The following SLX4IP variants were observed in gnomAD, a reference collection of about 807,000 sequenced individuals.
SLX4IP encodes the protein protein SLX4IP.
Under a neutral mutation model 32.9 loss-of-function variants are expected in SLX4IP, and 34 were observed. That is an observed-to-expected ratio of 1.03 (90% CI 0.79 to 1.38). The LOEUF is 1.38. Among genes scored for constraint, SLX4IP ranks in the 40% most tolerant of loss-of-function variants. The pLI is 0.00. For synonymous variants in SLX4IP, 172 were observed against 171.7 expected, an observed-to-expected ratio of 1.00 and a Z score of -0.01; for missense variants, 444 against 479.0, an observed-to-expected ratio of 0.93 and a Z score of 0.68.
intron 2 of SLX4IP, among the ~76,000 whole-genome samples, chr20:10,526,767 A>G (rs1249367054): frequency 6.6e-6 from 1 of 152,112 alleles, no homozygotes; most frequent in Non-Finnish European, 1.5e-5. Context: ...CCTGGGCAAT[A>G]TGGTAAAATC....
At chr20:10,455,140 A>T (rs1434659893) in intron 1 of SLX4IP, among the ~76,000 whole-genome samples, 1 of 152,142 alleles carries the variant, frequency 6.6e-6, no homozygotes, top group African/African-American at 2.4e-5. Flanking sequence ...TGAGTCCTTC[A>T]TCAGATGTAT....
chr20:10,610,147 A>G (rs997043836), intron 6 of SLX4IP, among the ~76,000 whole-genome samples: 1 of 152,148 alleles, frequency 6.6e-6, no homozygotes, highest in African/African-American at 2.4e-5. Flanking sequence ...TCTTGAGGGT[A>G]GGTGAATGTA....
chr20:10,602,162 T>G (rs1159021179), intron 6 of SLX4IP, among the ~76,000 whole-genome samples: 1 of 152,228 alleles, frequency 6.6e-6, no homozygotes, highest in Admixed American at 6.5e-5. Context: ...ATGTTTCCAC[T>G]GGAGGCTTTC....
intron 6 of SLX4IP, among the ~76,000 whole-genome samples, chr20:10,604,910 A>T (rs1372648193): frequency 3.3e-5 from 5 of 152,106 alleles, no homozygotes; most frequent in Non-Finnish European, 5.9e-5. Context: ...AGGACTGGGG[A>T]GTCTTTTGAG....
rs187015451 is a variant in SLX4IP, at chr20:10,514,621, A to G, written c.28-41610A>G. ...TTTAATGGGCCACTTGGGAGCCTTA[A>G]TGTGGTTAAAAAATGTATTTCTTCT... On this transcript the variant is annotated intron_variant, in intron 2 of 7. Transcript: ENST00000334534. Among the ~76,000 whole-genome samples, 396 of 152,322 alleles carry G rather than the reference A, an allele frequency of 2.6e-3. 2 individuals are homozygous for G. Among genetic ancestry groups the G allele is most frequent in the East Asian group, 9.6e-4 (5 of 5,188 alleles).
At chr20:10,587,082 A>G (rs1349144683) in intron 4 of SLX4IP, among the ~76,000 whole-genome samples, 1 of 152,144 alleles carries the variant, frequency 6.6e-6, no homozygotes, top group Middle Eastern at 3.2e-3. Flanking sequence ...AAAACAGGAC[A>G]ATAAAAGAGA....
In SLX4IP at chr20:10,627,512, GACTC is replaced by G. The variant is rs2067186843; in HGVS notation, c.*4138_*4141del. 1 of 152,134 alleles carries G rather than the reference GACTC, an allele frequency of 6.6e-6. No homozygotes were observed. The highest frequency in any genetic ancestry group is 2.1e-4 in the South Asian group (1 of 4,828). The allele number at this position is 152,134 out of a possible 1,614,324, so 9.4% of individuals were successfully genotyped here. A position where few individuals can be genotyped will look rare whatever the true frequency, so the allele number is the denominator to read the frequency against. ...TAATTAAATTCTCAGAAATCTGCAGGACTCACTCTAATTTGCTTTCTATATTTAT... is the reference window on the plus strand; with the variant it reads ...TAATTAAATTCTCAGAAATCTGCAGGACTCTAATTTGCTTTCTATATTTAT... On this transcript the variant is annotated 3_prime_UTR_variant, in exon 8 of 8. Coordinates refer to ENST00000334534, the MANE Select transcript of SLX4IP (RefSeq NM_001009608.3).
intron 2 of SLX4IP, among the ~76,000 whole-genome samples, chr20:10,504,708 G>A (rs1165883899): frequency 6.6e-6 from 1 of 152,142 alleles, no homozygotes; most frequent in Admixed American, 6.5e-5. Flanking sequence ...GATTTTTCTG[G>A]CCAGAAGATG....
At chr20:10,521,101 T>C (rs1449449394) in intron 2 of SLX4IP, among the ~76,000 whole-genome samples, 1 of 152,250 alleles carries the variant, frequency 6.6e-6, no homozygotes, top group African/African-American at 2.4e-5. Flanking sequence ...GGCAGTGTAC[T>C]CTGATTACCT....
chr20:10,608,746 T>C (rs2122557536), intron 6 of SLX4IP, among the ~76,000 whole-genome samples: 1 of 152,088 alleles, frequency 6.6e-6, no homozygotes, highest in African/African-American at 2.4e-5. Context: ...TCAACATCAT[T>C]TCCTTTCTTC....
At chr20:10,592,833 C>T (rs182653649) in intron 4 of SLX4IP, among the ~76,000 whole-genome samples, 4 of 151,946 alleles carry the variant, frequency 2.6e-5, no homozygotes, top group East Asian at 1.9e-4. Context: ...AGGGTTTCAC[C>T]ATGTGAGCCA....
chr20:10,508,836 T>C (rs980124329), intron 2 of SLX4IP, among the ~76,000 whole-genome samples: 2 of 152,144 alleles, frequency 1.3e-5, no homozygotes, highest in Non-Finnish European at 2.9e-5. Context: ...TCAAATTAAG[T>C]AAATTCTGGG....
At chr20:10,573,172 T>C (rs1243641259) in intron 4 of SLX4IP, among the ~76,000 whole-genome samples, 1 of 152,234 alleles carries the variant, frequency 6.6e-6, no homozygotes, top group Non-Finnish European at 1.5e-5. Context: ...TGTTTTGTAT[T>C]TATTTTCCCA....
intron 2 of SLX4IP, among the ~76,000 whole-genome samples, chr20:10,519,239 T>C (rs183001002): frequency 7.9e-5 from 12 of 152,316 alleles, no homozygotes; most frequent in South Asian, 2.1e-4. Flanking sequence ...GATTCCTCCA[T>C]GTTAAGTATA....
chr20:10,562,029 A>G, intron 4 of SLX4IP, among the ~76,000 whole-genome samples: 1 of 152,258 alleles, frequency 6.6e-6, no homozygotes, highest in East Asian at 1.9e-4. Flanking sequence ...GGCAGTTCAT[A>G]GGAAGCATGG....
At chr20:10,535,139 G>A (rs188676741) in intron 2 of SLX4IP, among the ~76,000 whole-genome samples, 106 of 152,208 alleles carry the variant, frequency 7.0e-4, no homozygotes, top group Admixed American at 1.4e-3. Context: ...CAGGGAAGAC[G>A]GTTGCAGAAG....
At chr20:10,617,732 T>G (rs1168483032) in intron 6 of SLX4IP, among the ~76,000 whole-genome samples, 1 of 145,854 alleles carries the variant, frequency 6.9e-6, no homozygotes, top group Non-Finnish European at 1.5e-5. Flanking sequence ...TACTGCGGCC[T>G]TGACCTCCTG....
chr20:10,517,966 C>A (rs1400973519), intron 2 of SLX4IP, among the ~76,000 whole-genome samples: 7 of 151,928 alleles, frequency 4.6e-5, no homozygotes, highest in Non-Finnish European at 1.0e-4. Flanking sequence ...TAGTAGTTTA[C>A]AAATTAAGAG....
intron 2 of SLX4IP, among the ~76,000 whole-genome samples, chr20:10,526,485 AT>A (rs2065941495): frequency 6.6e-6 from 1 of 152,234 alleles, no homozygotes. Flanking sequence ...TGTCTGAAAT[AT>A]GTCCTCAAGA....
Sources: allele counts gnomAD v4.1 joint callset (sites outside exome capture counted in the v4.1 genomes callset), GRCh38; gene constraint gnomAD v4.1.1; transcripts MANE v1.5; gene names NCBI Gene and HGNC (gene_info 2026-07-23, HGNC 2026-07-21).